C1QBP: variants seen among roughly 807,000 people sequenced by gnomAD.
C1QBP encodes complement C1q binding protein.
In C1QBP, 24 loss-of-function variants were observed where a neutral mutation model predicts 29.4. The observed-to-expected ratio is 0.82, with a 90% CI of 0.59 to 1.15. The LOEUF is 1.15. Among genes scored for constraint, C1QBP ranks in the 50% most tolerant of loss-of-function variants. The pLI is 0.00. For synonymous variants in C1QBP, 182 were observed against 149.2 expected (o/e 1.22, Z -1.60); for missense variants, 337 against 355.8 (o/e 0.95, Z 0.43).
At position 5,433,777 on chromosome 17, in the gene C1QBP, CAA is replaced by C; in HGVS notation, c.478-12_478-11del. On this transcript the variant is annotated splice_polypyrimidine_tract_variant and intron_variant, in intron 3 of 5. Coordinates refer to ENST00000225698, the MANE Select transcript of C1QBP (RefSeq NM_001212.4). Reference sequence around the variant, plus strand: ...TTGATGTCAGTTCAGGCTGGGGAAACAAGAAGTCAATACATGCTGCTGCTGGA... The same window carrying C: ...TTGATGTCAGTTCAGGCTGGGGAAACGAAGTCAATACATGCTGCTGCTGGA... The C allele has an allele frequency of 2.5e-6, 4 of 1,610,510 alleles. No individual in the cohort carries two copies. Among genetic ancestry groups the C allele is most frequent in the Non-Finnish European group, 3.4e-6 (4 of 1,176,682 alleles).
intron 2 of C1QBP, among the ~76,000 whole-genome samples, chr17:5,436,655 G>C (rs1348850212): frequency 6.6e-6 from 1 of 151,672 alleles, no homozygotes; most frequent in Non-Finnish European, 1.5e-5. Flanking sequence ...ATGGGAAACA[G>C]TACTTACAAA....
At chr17:5,437,711 T>C (rs978867252) in intron 2 of C1QBP, among the ~76,000 whole-genome samples, 1 of 152,214 alleles carries the variant, frequency 6.6e-6, no homozygotes, top group Non-Finnish European at 1.5e-5. Flanking sequence ...GTTTAGGAGA[T>C]GATGGGGGAG....
At position 5,433,184 on chromosome 17, in the gene C1QBP, C is replaced by T. The variant is rs368935199; in HGVS notation, c.700-20G>A. 5.6e-6 allele frequency: 9 copies of T among 1,607,474 alleles called. No individual in the cohort carries two copies. The highest frequency in any genetic ancestry group is 6.8e-6 in the Non-Finnish European group (8 of 1,177,778). On this transcript the variant is annotated intron_variant, in intron 5 of 5. Coordinates refer to ENST00000225698, the MANE Select transcript of C1QBP (RefSeq NM_001212.4). ...TAAGGCCTGCAAAGAACAATATTTA[C>T]TAGTTAAAAAAAAATCTGTAATGAA...
intron 4 of C1QBP, 52 bp from the exon 5 acceptor site, chr17:5,433,467 C>G: frequency 6.2e-7 from 1 of 1,611,828 alleles, no homozygotes; most frequent in Admixed American, 1.7e-5. Flanking sequence ...ACAAGCTAGA[C>G]TCAGGGGAAG....
At position 5,433,417 on chromosome 17, in the gene C1QBP, TGAG is replaced by T. The variant is rs575136676; in HGVS notation, c.577-5_577-3del. The stretch of plus-strand genomic sequence containing the variant: ...CTCAGCCTCGTCTTCTTGTCCAACC[TGAG>T]AAGAAACAATATTGGGAAACTGAAG... On this transcript the variant is annotated splice_polypyrimidine_tract_variant and splice_region_variant and intron_variant, in intron 4 of 5. Transcript: ENST00000225698. The T allele has an allele frequency of 1.9e-4, 310 of 1,613,912 alleles. No homozygotes were observed. The highest frequency in any genetic ancestry group is 6.5e-4 in the Admixed American group (39 of 59,986).
intron 4 of C1QBP, 46 bp downstream of exon 4, chr17:5,433,623 A>C (rs1460373435): frequency 6.3e-7 from 1 of 1,584,610 alleles, no homozygotes; most frequent in African/African-American, 1.3e-5. Flanking sequence ...CAAGGGACAC[A>C]CTGTTCCCCA....
chr17:5,437,477 C>T (rs559771581), intron 2 of C1QBP, among the ~76,000 whole-genome samples: 1 of 152,212 alleles, frequency 6.6e-6, no homozygotes, highest in Non-Finnish European at 1.5e-5. Flanking sequence ...GCTGGGACTA[C>T]AGGCACGTGC....
Position 5,438,999 on chromosome 17 carries a change from G to C in C1QBP, c.75C>G (p.Ala25=). 6.8e-7 allele frequency: 1 copy of C among 1,479,612 alleles called. No individual in the cohort carries two copies. The highest frequency in any genetic ancestry group is 1.4e-5 in the South Asian group (1 of 73,258). 91.7% of individuals were successfully genotyped at this position (1,479,612 alleles called of 1,614,324 possible). ...SVAGLRAAAP[A]SPFRQLLQPA... ...GCTGCAGGAGCTGCCGGAAAGGCGA[G>C]GCGGGCGCGGCAGCGCGGAGGCCGG... The change falls in exon 1 of 6, where the codon GCC becomes GCG. Residue 25 remains alanine, a synonymous_variant. Coordinates refer to ENST00000225698, the MANE Select transcript of C1QBP (RefSeq NM_001212.4).
At position 5,433,654 on chromosome 17, in the gene C1QBP, C is replaced by T. The variant is rs1597349249; in HGVS notation, c.576+15G>A. 1 of 1,611,874 alleles carries T rather than the reference C, an allele frequency of 6.2e-7. No individual in the cohort carries two copies. Among genetic ancestry groups the T allele is most frequent in the Non-Finnish European group, 8.5e-7 (1 of 1,177,920 alleles). On this transcript the variant is annotated intron_variant, in intron 4 of 5. Coordinates refer to ENST00000225698, the MANE Select transcript of C1QBP (RefSeq NM_001212.4). The stretch of plus-strand genomic sequence containing the variant: ...CCCCAGGGGTGCCAAGAGGCTAGCA[C>T]TCCATCCTGCATACCTCATCCTCTG...
At chr17:5,435,933 C>CTACT (rs2151677173) in intron 2 of C1QBP, among the ~76,000 whole-genome samples, 1 of 147,842 alleles carries the variant, frequency 6.8e-6, no homozygotes, top group Non-Finnish European at 1.5e-5. Flanking sequence ...GTAATCCCAG[C>CTACT]TACTCAGGAG....
rs777393991 is a variant in C1QBP at position 5,433,777 on chromosome 17, CAAG to C, written c.478-13_478-11del. The C allele has an allele frequency of 4.3e-6, 7 of 1,610,510 alleles. No individual in the cohort carries two copies. Among genetic ancestry groups the C allele is most frequent in the African/African-American group, 4.0e-5 (3 of 74,956 alleles). ...TTGATGTCAGTTCAGGCTGGGGAAA[CAAG>C]AAGTCAATACATGCTGCTGCTGGAA... On this transcript the variant is annotated splice_polypyrimidine_tract_variant and intron_variant, in intron 3 of 5. Coordinates refer to ENST00000225698, the MANE Select transcript of C1QBP (RefSeq NM_001212.4).
chr17:5,435,597 C>G (rs1916247316), intron 2 of C1QBP, among the ~76,000 whole-genome samples: 1 of 152,040 alleles, frequency 6.6e-6, no homozygotes, highest in Non-Finnish European at 1.5e-5. Flanking sequence ...GCCAGACACA[C>G]CAACTAGTGA....
intron 1 of C1QBP, chr17:5,438,517 T>C: frequency 1.4e-6 from 1 of 699,828 alleles, no homozygotes; most frequent in Non-Finnish European, 2.3e-6. Flanking sequence ...ACCAGGAGAA[T>C]TTCCAATCCT....
chr17:5,435,160 G>T (rs1916237289), intron 2 of C1QBP, among the ~76,000 whole-genome samples, 194 bp from the exon 3 acceptor site: 1 of 152,222 alleles, frequency 6.6e-6, no homozygotes, highest in African/African-American at 2.4e-5. Flanking sequence ...GAGTGACTCA[G>T]CAGGTCTGAA....
rs184461242 is a variant in C1QBP at position 5,433,401 on chromosome 17, G to A, written c.591C>T (p.Asp197=). 2.4e-5 allele frequency: 39 copies of A among 1,614,036 alleles called. No individual in the cohort carries two copies. In the South Asian group the frequency reaches 3.2e-4, roughly 13 times the overall value. Residue 197 remains aspartate (D), a synonymous_variant, in exon 5 of 6, where the codon GAC becomes GAT. Coordinates refer to ENST00000225698, the MANE Select transcript of C1QBP (RefSeq NM_001212.4). The part of the protein sequence containing the change: ...HYPEDEVGQE[D]EAESDIFSIR... ...TAGAGAAGATGTCACTCTCAGCCTC[G>A]TCTTCTTGTCCAACCTGAGAAGAAA...
At position 5,438,212 on chromosome 17, in the gene C1QBP, C is replaced by T. The variant is rs1299689441; in HGVS notation, c.294G>A (p.Lys98=). ...CAGACATCTTAGGGAGGGTTTTATGCTTCTGAATTTTTCTTTCCTCCTTAA... is the reference window on the plus strand; with the variant it reads ...CAGACATCTTAGGGAGGGTTTTATGTTTCTGAATTTTTCTTTCCTCCTTAA... The part of the protein sequence containing the change: ...DEIKEERKIQ[K]HKTLPKMSGG... Residue 98 remains lysine, a synonymous_variant, in exon 2 of 6, where the codon AAG becomes AAA. Coordinates refer to ENST00000225698, the MANE Select transcript of C1QBP (RefSeq NM_001212.4). The T allele has an allele frequency of 6.2e-7, 1 of 1,614,126 alleles. No homozygotes were observed. The highest frequency in any genetic ancestry group is 8.5e-7 in the Non-Finnish European group (1 of 1,180,016).
chr17:5,435,454 C>T (rs1254899524), intron 2 of C1QBP, among the ~76,000 whole-genome samples: 2 of 152,112 alleles, frequency 1.3e-5, no homozygotes, highest in South Asian at 2.1e-4. Flanking sequence ...AAGGAAGAAG[C>T]GATGGAGGGT....
At chr17:5,433,549 C>A (rs796428415) in intron 4 of C1QBP, 120 bp downstream of exon 4, 6 of 1,514,694 alleles carry the variant, frequency 4.0e-6, no homozygotes, top group South Asian at 3.4e-5. Context: ...CTCTCTCCCC[C>A]TGCTGGGCTG....
intron 1 of C1QBP, chr17:5,438,483 A>G (rs1916334211): frequency 1.4e-6 from 1 of 702,700 alleles, no homozygotes; most frequent in African/African-American, 1.8e-5. Flanking sequence ...CCAACAATGA[A>G]CGCATTACCA....
Sources: gnomAD v4.1 joint callset for allele counts (sites outside exome capture counted in the v4.1 genomes callset) on GRCh38, gnomAD v4.1.1 for gene constraint, MANE v1.5 for transcripts, NCBI Gene and HGNC (gene_info 2026-07-23, HGNC 2026-07-21) for gene names.